MACROD2: variants seen among roughly 807,000 people sequenced by gnomAD.
The protein encoded by MACROD2 is ADP-ribose glycohydrolase MACROD2.
In MACROD2, 36 loss-of-function variants were observed where a neutral mutation model predicts 70.4. The observed-to-expected ratio is 0.51, with a 90% CI of 0.39 to 0.68. MACROD2 has a LOEUF of 0.68. Among genes scored for constraint, MACROD2 ranks in the 30% least tolerant of loss-of-function variants. The pLI, the probability that MACROD2 is intolerant of heterozygous loss-of-function variation, is 0.00. For missense variants in MACROD2, 496 were observed against 538.4 expected, an observed-to-expected ratio of 0.92 and a Z score of 0.78; for synonymous variants, 172 against 178.8, an observed-to-expected ratio of 0.96 and a Z score of 0.30.
intron 4 of MACROD2, among the ~76,000 whole-genome samples, chr20:14,659,622 C>A (rs990873124): frequency 4.6e-5 from 7 of 152,092 alleles, no homozygotes; most frequent in Non-Finnish European, 1.0e-4. Context: ...GGTTACAATG[C>A]TAAAAGTTCT....
chr20:14,558,534 A>T (rs1234054444), intron 4 of MACROD2, among the ~76,000 whole-genome samples: 3 of 151,772 alleles, frequency 2.0e-5, no homozygotes, highest in Non-Finnish European at 4.4e-5. Context: ...TAAGAAAAAA[A>T]TTGTTATATT....
intron 8 of MACROD2, among the ~76,000 whole-genome samples, chr20:15,797,860 T>A (rs1042808856): frequency 2.6e-5 from 4 of 152,240 alleles, no homozygotes; most frequent in African/African-American, 4.8e-5. Flanking sequence ...CTCAACAATG[T>A]GCATTTCTAA....
At chr20:15,081,570 C>G (rs2075703789) in intron 5 of MACROD2, among the ~76,000 whole-genome samples, 2 of 152,154 alleles carry the variant, frequency 1.3e-5, no homozygotes, top group Non-Finnish European at 2.9e-5. Flanking sequence ...CCATGCCCAT[C>G]TCTAAAGCTG....
intron 8 of MACROD2, among the ~76,000 whole-genome samples, chr20:15,595,095 T>G (rs1194821440): frequency 6.6e-6 from 1 of 152,218 alleles, no homozygotes; most frequent in Non-Finnish European, 1.5e-5. Context: ...GTTTTTCTTT[T>G]TACATTTTCT....
At chr20:15,153,800 T>C (rs952401906) in intron 5 of MACROD2, among the ~76,000 whole-genome samples, 2 of 152,178 alleles carry the variant, frequency 1.3e-5, no homozygotes, top group African/African-American at 4.8e-5. Context: ...GGGGCATTGG[T>C]CACATCTTGT....
chr20:14,901,669 C>G (rs2073896068), intron 5 of MACROD2, among the ~76,000 whole-genome samples: 1 of 152,062 alleles, frequency 6.6e-6, no homozygotes, highest in Admixed American at 6.6e-5. Context: ...TTAAAAATAA[C>G]TATTTAAAAC....
chr20:14,456,951 T>C (rs937772192), intron 3 of MACROD2, among the ~76,000 whole-genome samples: 24 of 152,006 alleles, frequency 1.6e-4, no homozygotes, highest in Non-Finnish European at 2.9e-4. Context: ...TCTCCTGACC[T>C]CGTGATCCGC....
chr20:14,652,060 G>A (rs1053683833), intron 4 of MACROD2, among the ~76,000 whole-genome samples: 1 of 152,044 alleles, frequency 6.6e-6, no homozygotes, highest in Admixed American at 6.6e-5. Flanking sequence ...ATCAAGGCAG[G>A]GCAAAGAGAT....
intron 8 of MACROD2, among the ~76,000 whole-genome samples, chr20:15,579,631 A>G (rs2048497501): frequency 1.3e-5 from 2 of 152,198 alleles, no homozygotes; most frequent in African/African-American, 4.8e-5. Flanking sequence ...TTTGTCTCAC[A>G]ATCATACATG....
intron 5 of MACROD2, among the ~76,000 whole-genome samples, chr20:15,179,602 C>T (rs2076486241): frequency 6.6e-6 from 1 of 152,158 alleles, no homozygotes; most frequent in Non-Finnish European, 1.5e-5. Flanking sequence ...AGGAAAGTGG[C>T]CCTTCTCCAA....
At chr20:14,755,558 C>T (rs917783101) in intron 5 of MACROD2, among the ~76,000 whole-genome samples, 23 of 152,108 alleles carry the variant, frequency 1.5e-4, no homozygotes, top group African/African-American at 5.3e-4. Flanking sequence ...GCCTTATCTA[C>T]CAAGAAAAGA....
intron 8 of MACROD2, among the ~76,000 whole-genome samples, chr20:15,771,993 G>A (rs1322985394): frequency 6.7e-6 from 1 of 148,544 alleles, no homozygotes; most frequent in Non-Finnish European, 1.5e-5. Flanking sequence ...GCTGAGGCAG[G>A]AGAATGGCAT....
chr20:15,785,589 A>G (rs1158954912), intron 8 of MACROD2, among the ~76,000 whole-genome samples: 1 of 152,156 alleles, frequency 6.6e-6, no homozygotes, highest in African/African-American at 2.4e-5. Context: ...TTCTGTAAGT[A>G]GATCTTTAAG....
At chr20:15,218,902 C>T (rs983816076) in intron 5 of MACROD2, among the ~76,000 whole-genome samples, 1 of 152,064 alleles carries the variant, frequency 6.6e-6, no homozygotes, top group South Asian at 2.1e-4. Flanking sequence ...AAAAATTAGC[C>T]AGGCGTGGCG....
At chr20:15,755,417 G>A (rs564019197) in intron 8 of MACROD2, among the ~76,000 whole-genome samples, 3 of 152,304 alleles carry the variant, frequency 2.0e-5, no homozygotes, top group Admixed American at 2.0e-4. Context: ...AATGTGAACT[G>A]TAAAGAGAAG....
chr20:14,075,496 C>A (rs557007196), intron 2 of MACROD2, among the ~76,000 whole-genome samples: 2 of 152,256 alleles, frequency 1.3e-5, no homozygotes, highest in East Asian at 1.9e-4. Context: ...TATTATTTGA[C>A]AAGGATAATT....
intron 5 of MACROD2, among the ~76,000 whole-genome samples, chr20:15,205,251 A>T (rs56212487): frequency 1.3e-5 from 2 of 152,178 alleles, no homozygotes; most frequent in Admixed American, 6.5e-5. Flanking sequence ...GCTATTTTCA[A>T]CACACACTAT....
intron 7 of MACROD2, among the ~76,000 whole-genome samples, chr20:15,465,614 AGGGTGTT>A (rs1464413292): frequency 6.6e-6 from 1 of 152,268 alleles, no homozygotes; most frequent in African/African-American, 2.4e-5. Flanking sequence ...ACAATCGGGC[AGGGTGTT>A]GGGCTTCAAT....
At chr20:15,246,238 G>A (rs73262740) in intron 6 of MACROD2, among the ~76,000 whole-genome samples, 2,661 of 152,172 alleles carry the variant, frequency 0.017, 82 homozygotes, top group African/African-American at 0.061. Context: ...TAGTGAATAG[G>A]GTGCTCATAC....
Sources: allele counts gnomAD v4.1 joint callset (sites outside exome capture counted in the v4.1 genomes callset), GRCh38; gene constraint gnomAD v4.1.1; transcripts MANE v1.5; gene names NCBI Gene and HGNC (gene_info 2026-07-23, HGNC 2026-07-21).